The following DUT variants were observed in gnomAD, a reference collection of about 807,000 sequenced individuals.
The protein encoded by DUT is deoxyuridine triphosphatase.
A neutral mutation model predicts 28.8 loss-of-function variants in DUT; 21 were observed. The observed-to-expected ratio is 0.73, with a 90% CI of 0.52 to 1.05. The LOEUF (loss-of-function observed/expected upper bound fraction) is 1.05. Among genes scored for constraint, DUT ranks in the 50% least tolerant of loss-of-function variants. The probability of loss-of-function intolerance (pLI) is 0.00; values close to 1 mark genes in which losing one functional copy is unlikely to be tolerated. For synonymous variants in DUT, 147 were observed against 143.7 expected (o/e 1.02, Z -0.17); for missense variants, 344 against 351.8 (o/e 0.98, Z 0.18).
Position 48,335,195 on chromosome 15 carries a change from G to A in DUT, c.511+687G>A, listed in dbSNP as rs915686836. 7.2e-5 allele frequency among the ~76,000 whole-genome samples: 11 copies of A among 152,100 alleles called. No homozygotes were observed. In the East Asian group the frequency reaches 7.7e-4, roughly 11 times the overall value. On this transcript the variant is annotated intron_variant, in intron 3 of 6. Coordinates refer to ENST00000331200, the MANE Select transcript of DUT (RefSeq NM_001025248.2). Reference sequence around the variant, plus strand: ...TTTTTAGAATTTTTTCAGGGGAAGGGGCAGGAGATGGAGTGAAATAAAGGT... The same window carrying A: ...TTTTTAGAATTTTTTCAGGGGAAGGAGCAGGAGATGGAGTGAAATAAAGGT...
rs1009163067 is a variant in DUT, at chr15:48,331,738, G to A, written c.223G>A (p.Ala75Thr). 4.9e-6 allele frequency: 7 copies of A among 1,441,148 alleles called. No homozygotes were observed. The highest frequency in any genetic ancestry group is 6.4e-6 in the Non-Finnish European group (7 of 1,098,800). 89.3% of individuals were successfully genotyped at this position (1,441,148 alleles called of 1,614,324 possible). Residue 75 changes from alanine to threonine, a missense_variant, in exon 1 of 7, where the codon GCC becomes ACC. Physicochemically the swap from Ala to Thr is moderately conservative, Grantham distance 58. Transcript: ENST00000331200. Reference sequence around the variant, plus strand: ...CTGCCGCGGAGCCAGTACAGTCGGGGCCGCTGGCTGGAAGGGCGAGCTTCC... The same window carrying A: ...CTGCCGCGGAGCCAGTACAGTCGGGACCGCTGGCTGGAAGGGCGAGCTTCC... ...QGCRGASTVG[A>T]AGWKGELPKA... is the part of the protein sequence containing the mutation.
chr15:48,339,231 A>G (rs774718993), intron 4 of DUT, among the ~76,000 whole-genome samples: 1 of 152,212 alleles, frequency 6.6e-6, no homozygotes, highest in Non-Finnish European at 1.5e-5. Flanking sequence ...ATAAAGTAGT[A>G]TGTAAGATAT....
intron 6 of DUT, 95 bp from the exon 7 acceptor site, chr15:48,341,927 A>G: frequency 1.1e-6 from 1 of 895,908 alleles, no homozygotes; most frequent in Non-Finnish European, 1.7e-6. Flanking sequence ...TAGCAAGAGT[A>G]GAATTCTGGC....
chr15:48,335,845 G>C (rs1255419246), intron 3 of DUT, among the ~76,000 whole-genome samples: 1 of 152,162 alleles, frequency 6.6e-6, no homozygotes, highest in Non-Finnish European at 1.5e-5. Flanking sequence ...AAACCTTGTG[G>C]AATTTTTCTA....
rs771743286 is a variant in DUT, at chr15:48,341,563, A to G, written c.680A>G (p.Tyr227Cys). The G allele has an allele frequency of 4.2e-5, 67 of 1,612,804 alleles. No homozygotes were observed. The highest frequency in any genetic ancestry group is 5.4e-5 in the Non-Finnish European group (64 of 1,179,244). The part of the protein sequence containing the change: ...IAQLICERIF[Y>C]PEIEEVQALD... ...CAGCTCATTTGCGAACGGATTTTTT[A>G]TCCAGAAATAGAAGAAGTTCAAGTA... The change falls in exon 6 of 7, where the codon TAT (tyrosine) becomes TGT (cysteine). Residue 227 changes from tyrosine to cysteine, a missense_variant. Physicochemically the swap from Tyr to Cys is radical, Grantham distance 194. Transcript: ENST00000331200.
intron 2 of DUT, among the ~76,000 whole-genome samples, chr15:48,333,917 A>G (rs768062410): frequency 6.6e-6 from 1 of 152,244 alleles, no homozygotes; most frequent in Non-Finnish European, 1.5e-5. Flanking sequence ...AAAATGGGTT[A>G]ATATATGTAA....
At chr15:48,332,158 G>A in intron 1 of DUT, 110 bp from the exon 2 acceptor site, 2 of 1,435,928 alleles carry the variant, frequency 1.4e-6, no homozygotes, top group South Asian at 2.9e-5. Context: ...GGGGCTGGCG[G>A]GAAATTTCGG....
Position 48,342,899 on chromosome 15 carries a change from C to T in DUT, c.*821C>T, listed in dbSNP as rs1169200307. ...GATAAATGAAATAATACTTCAGCCA[C>T]CAGGTTTTTCTGTCTCACATACATA... On this transcript the variant is annotated 3_prime_UTR_variant, in exon 7 of 7. Transcript: ENST00000331200. 1 of 152,180 alleles carries T rather than the reference C, an allele frequency of 6.6e-6. No individual in the cohort carries two copies. Among genetic ancestry groups the T allele is most frequent in the Non-Finnish European group, 1.5e-5 (1 of 68,034 alleles). The allele number at this position is 152,180 out of a possible 1,614,324, so 9.4% of individuals were successfully genotyped here.
At chr15:48,340,866 C>T (rs531892932) in intron 4 of DUT, among the ~76,000 whole-genome samples, 1 of 152,076 alleles carries the variant, frequency 6.6e-6, no homozygotes, top group East Asian at 1.9e-4. Context: ...GAGCTTTAGG[C>T]TTTTTGACAT....
Position 48,341,562 on chromosome 15 carries a change from T to A in DUT, c.679T>A (p.Tyr227Asn), listed in dbSNP as rs745473793. ...IAQLICERIFYPEIEEVQALD... is the reference protein window; with the variant it reads ...IAQLICERIFNPEIEEVQALD... ...ACAGCTCATTTGCGAACGGATTTTT[T>A]ATCCAGAAATAGAAGAAGTTCAAGT... The change falls in exon 6 of 7, where the codon TAT (tyrosine) becomes AAT (asparagine). Residue 227 changes from tyrosine to asparagine, a missense_variant. Transcript: ENST00000331200. The A allele has an allele frequency of 3.1e-6, 5 of 1,612,678 alleles. No individual in the cohort carries two copies. The highest frequency in any genetic ancestry group is 4.2e-6 in the Non-Finnish European group (5 of 1,179,254).
chr15:48,342,024 C>A lies in DUT; in HGVS notation c.705C>A (p.Ala235=). ...CTTACTACCTTTCTATCTTTCAGGC[C>A]TTGGATGACACCGAAAGGGGTTCAG... ...IFYPEIEEVQ[A]LDDTERGSGG... Residue 235 remains alanine (A), a splice_region_variant and synonymous_variant, in exon 7 of 7, where the codon GCC becomes GCA. Transcript: ENST00000331200. 1.3e-6 allele frequency: 2 copies of A among 1,575,082 alleles called. No homozygotes were observed. Among genetic ancestry groups the A allele is most frequent in the Non-Finnish European group, 1.7e-6 (2 of 1,166,064 alleles).
chr15:48,340,735 T>C (rs1193667930), intron 4 of DUT, among the ~76,000 whole-genome samples: 1 of 152,156 alleles, frequency 6.6e-6, no homozygotes, highest in Non-Finnish European at 1.5e-5. Flanking sequence ...GTGGTTCAGA[T>C]TAAAAGGAGA....
At chr15:48,341,955 C>T in intron 6 of DUT, 67 bp from the exon 7 acceptor site, 1 of 1,202,036 alleles carries the variant, frequency 8.3e-7, no homozygotes. Flanking sequence ...TTCTTAGGAG[C>T]TGGAGAGGAA....
intron 3 of DUT, among the ~76,000 whole-genome samples, chr15:48,335,446 A>G (rs1045387199): frequency 6.6e-6 from 1 of 152,106 alleles, no homozygotes; most frequent in African/African-American, 2.4e-5. Flanking sequence ...ATATTAGCCC[A>G]TTTATCTTAC....
rs2042407760 is a variant in DUT, at chr15:48,331,497, A to T, written c.-19A>T. 1 of 1,611,236 alleles carries T rather than the reference A, an allele frequency of 6.2e-7. No individual in the cohort carries two copies. Among genetic ancestry groups the T allele is most frequent in the African/African-American group, 1.3e-5 (1 of 74,864 alleles). The stretch of plus-strand genomic sequence containing the variant: ...GTCCGGAGGTGCCGAGGACCCAACC[A>T]GCCCAAACTCTGGGGGAAATGACTC... On this transcript the variant is annotated 5_prime_UTR_variant, in exon 1 of 7. Transcript: ENST00000331200.
intron 4 of DUT, among the ~76,000 whole-genome samples, chr15:48,339,319 T>C (rs1376661913): frequency 1.3e-5 from 2 of 152,330 alleles, no homozygotes; most frequent in Admixed American, 6.5e-5. Context: ...TGTATTGTTT[T>C]AGTTATTTAA....
chr15:48,331,590 C>T lies in DUT; in HGVS notation c.75C>T (p.Asn25=), dbSNP rs1270383411. The T allele has an allele frequency of 2.5e-6, 4 of 1,583,276 alleles. No homozygotes were observed. Among genetic ancestry groups the T allele is most frequent in the South Asian group, 2.3e-5 (2 of 87,112 alleles). ...LTSLLRSAMQ[N]ARGARQRAEA... Reference sequence around the variant, plus strand: ...CTCTGCTTCGCTCAGCGATGCAAAACGCGCGAGGCGCACGGCAGAGGGCCG... The same window carrying T: ...CTCTGCTTCGCTCAGCGATGCAAAATGCGCGAGGCGCACGGCAGAGGGCCG... The change falls in exon 1 of 7, where the codon AAC becomes AAT. Residue 25 remains asparagine (N), a synonymous_variant. Transcript: ENST00000331200.
chr15:48,337,971 GAC>G (rs28381128), intron 4 of DUT, among the ~76,000 whole-genome samples: 1 of 152,108 alleles, frequency 6.6e-6, no homozygotes, highest in Admixed American at 6.5e-5. Flanking sequence ...CCAAACTCTT[GAC>G]ACAGTAAAAC....
chr15:48,332,267 G>T lies in DUT; in HGVS notation c.281-1G>T. ...TGGCTCTGCCATGCCCTGCTCTGAAGAGACACCCGCCATTTCACCCAGTAA... is the reference window on the plus strand; with the variant it reads ...TGGCTCTGCCATGCCCTGCTCTGAATAGACACCCGCCATTTCACCCAGTAA... On this transcript the variant is annotated splice_acceptor_variant, in intron 1 of 6. Coordinates refer to ENST00000331200, the MANE Select transcript of DUT (RefSeq NM_001025248.2). LOFTEE classifies it high-confidence loss of function. The T allele has an allele frequency of 6.2e-7, 1 of 1,607,618 alleles. No homozygotes were observed. The highest frequency in any genetic ancestry group is 8.5e-7 in the Non-Finnish European group (1 of 1,177,772).
Sources: gnomAD v4.1 joint callset for allele counts (sites outside exome capture counted in the v4.1 genomes callset) on GRCh38, gnomAD v4.1.1 for gene constraint, MANE v1.5 for transcripts, NCBI Gene and HGNC (gene_info 2026-07-23, HGNC 2026-07-21) for gene names.